The following DNAH8 variants were observed in gnomAD, a reference collection of about 807,000 sequenced individuals.
The protein encoded by DNAH8 is dynein axonemal heavy chain 8.
In DNAH8, 382 loss-of-function variants were observed where a neutral mutation model predicts 562.1. The observed-to-expected ratio is 0.68, with a 90% CI of 0.63 to 0.74. The LOEUF (loss-of-function observed/expected upper bound fraction) is 0.74. DNAH8 is among the 30% of genes least tolerant of loss of function. DNAH8 has a pLI of 0.00. For missense variants in DNAH8, 5,203 were observed against 5,620.4 expected (o/e 0.93, Z 2.37); for synonymous variants, 1,881 against 1,919.4 (o/e 0.98, Z 0.52).
chr6:38,737,216 T>A lies in DNAH8; in HGVS notation c.912T>A (p.Ile304=), dbSNP rs1764170047. Residue 304 remains isoleucine (I), a synonymous_variant, in exon 6 of 93, where the codon ATT becomes ATA. Transcript: ENST00000327475. ...AGCAGGGAGAATCTGAAAAACATAT[T>A]TTCACTGAAACCATCAACAGATATC... is the stretch of plus-strand genomic sequence containing the variant. The part of the protein sequence containing the change: ...QSKQGESEKH[I]FTETINRYLS... 2 of 1,520,362 alleles carry A rather than the reference T, an allele frequency of 1.3e-6. No homozygotes were observed. Among genetic ancestry groups the A allele is most frequent in the African/African-American group, 1.4e-5 (1 of 71,550 alleles). The allele number at this position is 1,520,362 out of a possible 1,614,324, so 94.2% of individuals were successfully genotyped here.
chr6:38,939,336 C>T (rs1783247169), intron 79 of DNAH8, among the ~76,000 whole-genome samples: 1 of 152,144 alleles, frequency 6.6e-6, no homozygotes, highest in South Asian at 2.1e-4. Flanking sequence ...ATTTTTCAGA[C>T]TGCAAGAAAA....
intron 85 of DNAH8, among the ~76,000 whole-genome samples, chr6:38,976,472 A>AT (rs909944342): frequency 1.3e-5 from 2 of 152,048 alleles, no homozygotes; most frequent in African/African-American, 2.4e-5. Context: ...TTGTGTAAAT[A>AT]TTTTTTTTAC....
chr6:38,901,605 T>C, intron 62 of DNAH8, among the ~76,000 whole-genome samples: 1 of 152,172 alleles, frequency 6.6e-6, no homozygotes. Flanking sequence ...ATTTAACATA[T>C]GTATATTTGG....
chr6:38,974,232 C>G, intron 84 of DNAH8, 142 bp from the exon 85 acceptor site: 1 of 664,370 alleles, frequency 1.5e-6, no homozygotes, highest in Non-Finnish European at 2.5e-6. Flanking sequence ...CAATTTAATG[C>G]TAATATTCCA....
chr6:38,998,747 T>C (rs1365281284), intron 88 of DNAH8, among the ~76,000 whole-genome samples: 3 of 152,212 alleles, frequency 2.0e-5, no homozygotes, highest in Non-Finnish European at 4.4e-5. Flanking sequence ...ACCACCAAGC[T>C]ACAAGGGCAA....
At chr6:38,813,392 T>C (rs1771972063) in intron 24 of DNAH8, among the ~76,000 whole-genome samples, 1 of 152,128 alleles carries the variant, frequency 6.6e-6, no homozygotes, top group Non-Finnish European at 1.5e-5. Context: ...ATGTTTCTTG[T>C]GATCCCCTCC....
At chr6:38,784,519 T>C (rs1768953718) in intron 17 of DNAH8, among the ~76,000 whole-genome samples, 1 of 152,156 alleles carries the variant, frequency 6.6e-6, no homozygotes. Context: ...TATCTGTAGC[T>C]CTTTCTCAGG....
At chr6:38,870,300 G>A in intron 48 of DNAH8, 101 bp from the exon 49 acceptor site, 1 of 1,013,670 alleles carries the variant, frequency 9.9e-7, no homozygotes, top group Non-Finnish European at 1.5e-6. Context: ...GTAATAAATG[G>A]TTCTCTGGGG....
chr6:38,786,709 G>A (rs1317020342), intron 17 of DNAH8, 56 bp from the exon 18 acceptor site: 1 of 1,554,068 alleles, frequency 6.4e-7, no homozygotes, highest in Non-Finnish European at 8.7e-7. Context: ...TATAAACACA[G>A]CTGGAAGCAG....
Position 38,918,160 on chromosome 6 carries a change from T to C in DNAH8, c.10524+20T>C. The C allele has an allele frequency of 6.6e-7, 1 of 1,520,186 alleles. No individual in the cohort carries two copies. Among genetic ancestry groups the C allele is most frequent in the African/African-American group, 1.4e-5 (1 of 72,534 alleles). The allele number at this position is 1,520,186 out of a possible 1,614,324, so 94.2% of individuals were successfully genotyped here. On this transcript the variant is annotated intron_variant, in intron 70 of 92. Coordinates refer to ENST00000327475, the MANE Select transcript of DNAH8 (RefSeq NM_001206927.2). ...CTGAAGGTAAAAGTTTCCTTCCTTC[T>C]CCCAGTAAATCAATATTTCATAAAA... is the stretch of plus-strand genomic sequence containing the variant.
At chr6:38,771,227 G>C (rs1043167966) in intron 12 of DNAH8, among the ~76,000 whole-genome samples, 1 of 152,148 alleles carries the variant, frequency 6.6e-6, no homozygotes, top group Non-Finnish European at 1.5e-5. Flanking sequence ...ACATTACATA[G>C]GTTGAAGACC....
intron 3 of DNAH8, among the ~76,000 whole-genome samples, chr6:38,724,518 G>A (rs1380943059): frequency 6.6e-6 from 1 of 152,070 alleles, no homozygotes; most frequent in Non-Finnish European, 1.5e-5. Context: ...ATGAGTATAC[G>A]GTAGTAGAAA....
At chr6:38,799,200 A>T (rs1173914899) in intron 21 of DNAH8, among the ~76,000 whole-genome samples, 3 of 152,182 alleles carry the variant, frequency 2.0e-5, no homozygotes, top group Non-Finnish European at 4.4e-5. Flanking sequence ...TTCCACAATC[A>T]GAGCTCTTGG....
In DNAH8 at chr6:38,958,188, G is replaced by A. The variant is rs182252646; in HGVS notation, c.12451+6668G>A. On this transcript the variant is annotated intron_variant, in intron 82 of 92. Coordinates refer to ENST00000327475, the MANE Select transcript of DNAH8 (RefSeq NM_001206927.2). ...GACTAATTTTTTTTTTGTATTTTTAGTAGAGACGGGGTTTCACCATGTTAG... is the reference window on the plus strand; with the variant it reads ...GACTAATTTTTTTTTTGTATTTTTAATAGAGACGGGGTTTCACCATGTTAG... Among the ~76,000 whole-genome samples the A allele has an allele frequency of 3.1e-3, 463 of 151,290 alleles. 2 individuals carry two copies. Among genetic ancestry groups the A allele is most frequent in the African/African-American group, 0.01 (426 of 41,248 alleles).
Position 38,926,064 on chromosome 6 carries a change from T to C in DNAH8, c.10972T>C (p.Trp3658Arg). Residue 3658 changes from tryptophan (W) to arginine (R), a missense_variant, in exon 74 of 93, where the codon TGG becomes CGG. By Grantham distance (101) the Trp-to-Arg change is moderately radical. This residue lies in a region of DNAH8 where 1,399 missense variants were observed against 1,518.4 expected (regional missense o/e 0.92). Coordinates refer to ENST00000327475, the MANE Select transcript of DNAH8 (RefSeq NM_001206927.2). ...MLVDPPTIGEWGLQGLPGDDL... is the reference protein window; with the variant it reads ...MLVDPPTIGERGLQGLPGDDL... ...ATTTCCTGTTGTTCAGATTGGTGAG[T>C]GGGGGCTACAGGGATTACCAGGAGA... 4 of 1,612,920 alleles carry C rather than the reference T, an allele frequency of 2.5e-6. 1 individual carries two copies. The South Asian group carries it at 3.3e-5, about 13-fold the overall frequency.
At chr6:38,819,623 T>C (rs1459785928) in intron 26 of DNAH8, among the ~76,000 whole-genome samples, 1 of 152,148 alleles carries the variant, frequency 6.6e-6, no homozygotes, top group Non-Finnish European at 1.5e-5. Context: ...ATCATTTTTA[T>C]TTGATAGTTT....
At chr6:39,014,213 G>T (rs1766416876) in intron 91 of DNAH8, among the ~76,000 whole-genome samples, 1 of 152,134 alleles carries the variant, frequency 6.6e-6, no homozygotes, top group Non-Finnish European at 1.5e-5. Flanking sequence ...AGCCTTTAGA[G>T]TTGTAAAGGG....
intron 42 of DNAH8, among the ~76,000 whole-genome samples, chr6:38,860,086 C>T (rs188260252): frequency 2.6e-4 from 40 of 152,288 alleles, no homozygotes; most frequent in Non-Finnish European, 4.4e-5. Context: ...CTGGCTAATT[C>T]CTACTATTTA....
At chr6:38,765,374 C>A (rs1766899830) in intron 11 of DNAH8, among the ~76,000 whole-genome samples, 1 of 152,110 alleles carries the variant, frequency 6.6e-6, no homozygotes, top group Non-Finnish European at 1.5e-5. Flanking sequence ...TCCAAAAAAT[C>A]ATTGCCAAGT....
Sources: gnomAD v4.1 joint callset for allele counts (sites outside exome capture counted in the v4.1 genomes callset) on GRCh38, gnomAD v4.1.1 for gene constraint, gnomAD v4.1.1 regional missense constraint, MANE v1.5 for transcripts, NCBI Gene and HGNC (gene_info 2026-07-23, HGNC 2026-07-21) for gene names.